The following SPATA16 variants were observed in gnomAD, a reference collection of about 807,000 sequenced individuals.
SPATA16 encodes the protein spermatogenesis-associated protein 16.
A neutral mutation model predicts 63.3 loss-of-function variants in SPATA16; 36 were observed. The ratio of observed to expected loss-of-function variants is 0.57; its 90% CI spans 0.44 to 0.75. The LOEUF (loss-of-function observed/expected upper bound fraction) is 0.75. Among genes scored for constraint, SPATA16 ranks in the 30% least tolerant of loss-of-function variants. The pLI is 0.00. For synonymous variants in SPATA16, 203 were observed against 216.7 expected (o/e 0.94, Z 0.56); for missense variants, 646 against 679.3 (o/e 0.95, Z 0.54).
intron 6 of SPATA16, among the ~76,000 whole-genome samples, chr3:172,935,517 C>G (rs1361687703): frequency 6.6e-6 from 1 of 152,080 alleles, no homozygotes; most frequent in Non-Finnish European, 1.5e-5. Context: ...ATTTACTTGA[C>G]AAATATTTTT....
At chr3:173,098,671 C>T (rs2108323936) in intron 2 of SPATA16, among the ~76,000 whole-genome samples, 1 of 152,094 alleles carries the variant, frequency 6.6e-6, no homozygotes, top group African/African-American at 2.4e-5. Flanking sequence ...ATTAGAAGAG[C>T]TTATTGAGTC....
In SPATA16 at chr3:173,024,520, G is replaced by A. The variant is rs58816556; in HGVS notation, c.759-4945C>T. 2.1e-4 allele frequency among the ~76,000 whole-genome samples: 31 copies of A among 150,630 alleles called. No individual in the cohort carries two copies. In the East Asian group the frequency reaches 5.8e-3, roughly 28 times the overall value. On this transcript the variant is annotated intron_variant, in intron 3 of 10. Coordinates refer to ENST00000351008, the MANE Select transcript of SPATA16 (RefSeq NM_031955.6). ...TTTGATCTTTTGTATTGATGAATTA[G>A]GTTAATTAATGATTCAAGAAAGGTA...
chr3:172,917,266 A>G (rs1732515109), intron 8 of SPATA16, among the ~76,000 whole-genome samples: 1 of 152,238 alleles, frequency 6.6e-6, no homozygotes, highest in African/African-American at 2.4e-5. Context: ...AATGCTTGAT[A>G]GGAGAGGCAA....
At chr3:173,020,238 A>C (rs1453959965) in intron 3 of SPATA16, among the ~76,000 whole-genome samples, 1 of 151,678 alleles carries the variant, frequency 6.6e-6, no homozygotes, top group South Asian at 2.1e-4. Flanking sequence ...CAGAGGTTGC[A>C]GTGAGATCGC....
rs188149680 is a variant in SPATA16, at chr3:172,920,303, A to G, written c.1339-3822T>C. ...CTTTTTAAATTGCAGAGCACTATGC[A>G]TGTGCTTCTCCTAAACCATAGTTCC... On this transcript the variant is annotated intron_variant, in intron 8 of 10. Coordinates refer to ENST00000351008, the MANE Select transcript of SPATA16 (RefSeq NM_031955.6). Among the ~76,000 whole-genome samples the G allele has an allele frequency of 2.6e-5, 4 of 152,350 alleles. No individual in the cohort carries two copies. In the East Asian group the frequency reaches 7.7e-4, roughly 29 times the overall value.
intron 2 of SPATA16, among the ~76,000 whole-genome samples, chr3:173,066,371 A>G (rs745373316): frequency 6.6e-6 from 1 of 152,180 alleles, no homozygotes; most frequent in Non-Finnish European, 1.5e-5. Flanking sequence ...CTTGTCTGCA[A>G]GACTTCAGAT....
chr3:172,896,209 T>G (rs1449959906), intron 10 of SPATA16, among the ~76,000 whole-genome samples: 1 of 152,108 alleles, frequency 6.6e-6, no homozygotes, highest in Non-Finnish European at 1.5e-5. Flanking sequence ...CAGGTTATAT[T>G]TAGTTTTATT....
chr3:173,128,228 A>G (rs1738278204), intron 1 of SPATA16, among the ~76,000 whole-genome samples: 1 of 152,190 alleles, frequency 6.6e-6, no homozygotes, highest in Non-Finnish European at 1.5e-5. Context: ...TTAAAAACAT[A>G]ATGTCCTCAG....
intron 6 of SPATA16, among the ~76,000 whole-genome samples, chr3:172,930,619 C>T (rs1031634356): frequency 3.0e-5 from 4 of 135,024 alleles, no homozygotes; most frequent in Admixed American, 8.6e-5. Flanking sequence ...AGTGCGGTGG[C>T]GCGATCTCAG....
Position 172,916,374 on chromosome 3 carries a change from C to T in SPATA16, c.1446G>A (p.Met482Ile). ...GGTAGGGAATGGTTGCTAGCTCTGC[C>T]ATTGCTTGATTAATCACCTGGGACT... ...KEQSQVINQA[M>I]AELATIPYLQ... Residue 482 changes from methionine (M) to isoleucine (I), a missense_variant, in exon 9 of 11, where the codon ATG becomes ATA. By Grantham distance (10) the Met-to-Ile change is conservative (BLOSUM62 1). Coordinates refer to ENST00000351008, the MANE Select transcript of SPATA16 (RefSeq NM_031955.6). The T allele has an allele frequency of 6.2e-7, 1 of 1,613,822 alleles. No individual in the cohort carries two copies. Among genetic ancestry groups the T allele is most frequent in the East Asian group, 2.2e-5 (1 of 44,874 alleles).
chr3:173,011,043 C>A (rs1278974767), intron 4 of SPATA16, among the ~76,000 whole-genome samples: 3 of 149,060 alleles, frequency 2.0e-5, no homozygotes, highest in Non-Finnish European at 4.5e-5. Context: ...TAAAACTATT[C>A]CAAAAAAAAT....
intron 4 of SPATA16, among the ~76,000 whole-genome samples, chr3:172,985,708 A>G (rs948238692): frequency 3.3e-5 from 5 of 152,188 alleles, no homozygotes; most frequent in African/African-American, 1.2e-4. Context: ...AAAAGGTAGC[A>G]GGTTTTTTAT....
At chr3:173,110,010 T>G (rs1237043586) in intron 2 of SPATA16, among the ~76,000 whole-genome samples, 2 of 140,122 alleles carry the variant, frequency 1.4e-5, no homozygotes, top group Non-Finnish European at 3.0e-5. Flanking sequence ...ATTATAAAAA[T>G]GTATGTAATA....
chr3:172,922,419 T>C (rs1452632187), intron 8 of SPATA16, among the ~76,000 whole-genome samples: 1 of 152,212 alleles, frequency 6.6e-6, no homozygotes, highest in African/African-American at 2.4e-5. Context: ...GTCTCCTTTA[T>C]AGTCACATAA....
intron 2 of SPATA16, among the ~76,000 whole-genome samples, chr3:173,104,104 C>A (rs942447075): frequency 6.6e-6 from 1 of 152,200 alleles, no homozygotes; most frequent in Admixed American, 6.5e-5. Flanking sequence ...GACCTTTGCA[C>A]CAATTCCCAA....
intron 1 of SPATA16, among the ~76,000 whole-genome samples, chr3:173,138,215 T>G (rs1284740523): frequency 6.6e-6 from 1 of 152,188 alleles, no homozygotes; most frequent in Non-Finnish European, 1.5e-5. Flanking sequence ...TGAGAACCAG[T>G]GGGAGAGCAC....
Position 173,131,305 on chromosome 3 carries a change from C to T in SPATA16, c.-19+9798G>A, listed in dbSNP as rs559696252. ...GGGATGGAGTAGTAGATCAGAACTT[C>T]TGTTGAGAACTAATAGAAAAGCAGA... On this transcript the variant is annotated intron_variant, in intron 1 of 10. Transcript: ENST00000351008. Among the ~76,000 whole-genome samples, 6 of 152,328 alleles carry T rather than the reference C, an allele frequency of 3.9e-5. No homozygotes were observed. The South Asian group carries it at 1.0e-3, about 26-fold the overall frequency.
chr3:172,992,028 C>G (rs962559141), intron 4 of SPATA16, among the ~76,000 whole-genome samples: 2 of 152,074 alleles, frequency 1.3e-5, no homozygotes, highest in Non-Finnish European at 2.9e-5. Context: ...CTCGCCTTTC[C>G]TCTCCTTAGA....
intron 6 of SPATA16, 38 bp from the exon 7 acceptor site, chr3:172,925,530 A>T: frequency 6.2e-7 from 1 of 1,613,564 alleles, no homozygotes; most frequent in Non-Finnish European, 8.5e-7. Flanking sequence ...AGGCTTTGTT[A>T]TGGTTTTAAT....
Sources: allele counts gnomAD v4.1 joint callset (sites outside exome capture counted in the v4.1 genomes callset), GRCh38; gene constraint gnomAD v4.1.1; transcripts MANE v1.5; gene names NCBI Gene and HGNC (gene_info 2026-07-23, HGNC 2026-07-21).